SLC16A7: variants seen among roughly 807,000 people sequenced by gnomAD.
SLC16A7 encodes monocarboxylate transporter 2.
Under a neutral mutation model 34.9 loss-of-function variants are expected in SLC16A7, and 33 were observed. The observed-to-expected ratio is 0.94, with a 90% CI of 0.72 to 1.26. The LOEUF is 1.26. Among genes scored for constraint, SLC16A7 ranks in the 50% most tolerant of loss-of-function variants. The pLI is 0.00. For missense variants in SLC16A7, 573 were observed against 578.1 expected, an observed-to-expected ratio of 0.99 and a Z score of 0.09; for synonymous variants, 201 against 206.6, an observed-to-expected ratio of 0.97 and a Z score of 0.23.
chr12:59,747,370 A>T (rs754618701), intron 3 of SLC16A7, among the ~76,000 whole-genome samples: 25 of 152,240 alleles, frequency 1.6e-4, no homozygotes, highest in South Asian at 4.1e-4. Flanking sequence ...CAAAATTCAA[A>T]ATATATTGTA....
chr12:59,708,574 G>A (rs1873853847), intron 3 of SLC16A7, among the ~76,000 whole-genome samples: 1 of 152,146 alleles, frequency 6.6e-6, no homozygotes, highest in South Asian at 2.1e-4. Flanking sequence ...CTAGCAAGTA[G>A]CTGAAATATT....
At chr12:59,627,283 C>G (rs1879970808) in intron 1 of SLC16A7, among the ~76,000 whole-genome samples, 1 of 151,696 alleles carries the variant, frequency 6.6e-6, no homozygotes, top group Non-Finnish European at 1.5e-5. Context: ...TTTTTTTGCA[C>G]TTATTTAGAA....
chr12:59,664,456 A>T (rs1869031805), intron 2 of SLC16A7, among the ~76,000 whole-genome samples: 1 of 152,088 alleles, frequency 6.6e-6, no homozygotes, highest in Admixed American at 6.6e-5. Context: ...GAGATTCAAC[A>T]CTTTGACCCT....
At chr12:59,719,929 C>T (rs542071329) in intron 3 of SLC16A7, 9 of 560,612 alleles carry the variant, frequency 1.6e-5, no homozygotes, top group Non-Finnish European at 2.2e-5. Context: ...AGTGGTGGAA[C>T]CTTAGCTATT....
At chr12:59,652,174 AT>A (rs1257245924) in intron 1 of SLC16A7, among the ~76,000 whole-genome samples, 1 of 151,900 alleles carries the variant, frequency 6.6e-6, no homozygotes, top group African/African-American at 2.4e-5. Context: ...GAGGACATTT[AT>A]TTATTTTGTG....
At chr12:59,674,363 G>A (rs758351580) in intron 2 of SLC16A7, among the ~76,000 whole-genome samples, 1 of 152,120 alleles carries the variant, frequency 6.6e-6, no homozygotes, top group Non-Finnish European at 1.5e-5. Context: ...CCACATAGGA[G>A]CTGTTTGATA....
chr12:59,701,347 G>A (rs1375612497), intron 2 of SLC16A7, among the ~76,000 whole-genome samples: 1 of 150,718 alleles, frequency 6.6e-6, no homozygotes, highest in East Asian at 1.9e-4. Flanking sequence ...AGTATTCGTA[G>A]CATTTGAAGC....
At chr12:59,684,968 T>C (rs1263542436) in intron 2 of SLC16A7, among the ~76,000 whole-genome samples, 3 of 152,090 alleles carry the variant, frequency 2.0e-5, no homozygotes, top group Non-Finnish European at 4.4e-5. Flanking sequence ...GTGGTACAGG[T>C]ATGCCATCAA....
chr12:59,683,408 T>C (rs1870900572), intron 2 of SLC16A7, among the ~76,000 whole-genome samples: 1 of 152,014 alleles, frequency 6.6e-6, no homozygotes. Context: ...AAACTGAAAG[T>C]GAGACAGTCC....
intron 3 of SLC16A7, among the ~76,000 whole-genome samples, chr12:59,756,385 A>G (rs1592654296): frequency 6.6e-6 from 1 of 152,262 alleles, no homozygotes; most frequent in East Asian, 1.9e-4. Flanking sequence ...TCCAGAATCT[A>G]CAATGAACTC....
chr12:59,617,103 T>G (rs1879488953), intron 1 of SLC16A7, among the ~76,000 whole-genome samples: 1 of 152,088 alleles, frequency 6.6e-6, no homozygotes, highest in East Asian at 1.9e-4. Context: ...ATTTTTAGCC[T>G]CATTTCTTTG....
At chr12:59,643,261 C>T (rs968771080) in intron 1 of SLC16A7, among the ~76,000 whole-genome samples, 4 of 152,144 alleles carry the variant, frequency 2.6e-5, no homozygotes, top group Admixed American at 6.5e-5. Flanking sequence ...ACATTTCTGA[C>T]ATTAAATCCA....
At chr12:59,715,070 C>G (rs190103958) in intron 3 of SLC16A7, among the ~76,000 whole-genome samples, 15 of 152,266 alleles carry the variant, frequency 9.9e-5, no homozygotes, top group Admixed American at 2.6e-4. Context: ...GTACTCTCCT[C>G]CCTTTTAATC....
In SLC16A7 at chr12:59,785,935, A is replaced by G. The variant is rs377543155; in HGVS notation, c.*6256A>G. 4.7e-4 allele frequency: 71 copies of G among 151,420 alleles called. No homozygotes were observed. The East Asian group carries it at 0.012, about 26-fold the overall frequency. 9.4% of individuals were successfully genotyped at this position (151,420 alleles called of 1,614,324 possible). A position where few individuals can be genotyped will look rare whatever the true frequency, so the allele number is the denominator to read the frequency against. On this transcript the variant is annotated 3_prime_UTR_variant, in exon 6 of 6. Transcript: ENST00000547379. ...TCATTCTCAGTAAACTATCGCAAGAACAAAAAACCAAACACCGCATATTCT... is the reference window on the plus strand; with the variant it reads ...TCATTCTCAGTAAACTATCGCAAGAGCAAAAAACCAAACACCGCATATTCT...
intron 2 of SLC16A7, among the ~76,000 whole-genome samples, chr12:59,671,753 A>C (rs1358340266): frequency 7.1e-6 from 1 of 139,972 alleles, no homozygotes; most frequent in Non-Finnish European, 1.5e-5. Flanking sequence ...TGTATATATA[A>C]TGTGTATATG....
intron 1 of SLC16A7, among the ~76,000 whole-genome samples, chr12:59,648,766 T>C (rs1012615676): frequency 1.3e-5 from 2 of 152,152 alleles, no homozygotes; most frequent in African/African-American, 2.4e-5. Context: ...AGAACATCAA[T>C]GTTTAAGCCT....
chr12:59,720,943 C>G (rs1326407773), intron 3 of SLC16A7, among the ~76,000 whole-genome samples: 1 of 151,968 alleles, frequency 6.6e-6, no homozygotes, highest in African/African-American at 2.4e-5. Context: ...TATCTACCTA[C>G]CATTAATTTT....
intron 1 of SLC16A7, among the ~76,000 whole-genome samples, chr12:59,640,467 A>T (rs186852297): frequency 2.1e-4 from 32 of 152,178 alleles, no homozygotes; most frequent in Admixed American, 1.3e-3. Context: ...CACTTTTCCA[A>T]GCATTAGGAT....
At chr12:59,645,869 T>A (rs1398249647) in intron 1 of SLC16A7, among the ~76,000 whole-genome samples, 3 of 152,056 alleles carry the variant, frequency 2.0e-5, no homozygotes, top group Non-Finnish European at 4.4e-5. Flanking sequence ...GCTTAGGTGG[T>A]CTCAGATGGA....
Sources: gnomAD v4.1 joint callset for allele counts (sites outside exome capture counted in the v4.1 genomes callset) on GRCh38, gnomAD v4.1.1 for gene constraint, MANE v1.5 for transcripts, NCBI Gene and HGNC (gene_info 2026-07-23, HGNC 2026-07-21) for gene names.